Variants in PLCH2 observed in about 807,000 individuals in gnomAD.
The protein encoded by PLCH2 is 1-phosphatidylinositol 4,5-bisphosphate phosphodiesterase eta-2.
A neutral mutation model predicts 134.7 loss-of-function variants in PLCH2; 98 were observed. The ratio of observed to expected loss-of-function variants is 0.73; its 90% CI spans 0.62 to 0.86. The LOEUF (loss-of-function observed/expected upper bound fraction) is 0.86, where lower values mean the gene tolerates loss of function less well. Ranked by LOEUF, PLCH2 falls within the 40% of genes least tolerant of loss-of-function variation. PLCH2 has a pLI of 0.00. For synonymous variants in PLCH2, 974 were observed against 827.5 expected, an observed-to-expected ratio of 1.18 and a Z score of -3.04; for missense variants, 1,994 against 1,986.6, an observed-to-expected ratio of 1.00 and a Z score of -0.07.
rs1643392040 is a variant in PLCH2 at position 2,504,085 on chromosome 1, G to A, written c.3123G>A (p.Val1041=). The change falls in exon 22 of 22, where the codon GTG becomes GTA. Residue 1041 remains valine (V), a synonymous_variant. Coordinates refer to ENST00000378486, the MANE Select transcript of PLCH2 (RefSeq NM_014638.4). ...PPYPTGPGAN[V]ASPLEDTEEP... ...ACCCCACAGGACCCGGAGCCAATGT[G>A]GCAAGCCCCCTAGAGGACACTGAGG... 1 of 1,546,836 alleles carries A rather than the reference G, an allele frequency of 6.5e-7. No individual in the cohort carries two copies. The highest frequency in any genetic ancestry group is 1.2e-5 in the South Asian group (1 of 83,570).
chr1:2,462,815 C>A (rs1349269896), upstream of PLCH2, among the ~76,000 whole-genome samples: 1 of 152,164 alleles, frequency 6.6e-6, no homozygotes, highest in East Asian at 1.9e-4. Context: ...AGCCACTGCC[C>A]AGGACAGGAG....
At chr1:2,458,197 G>C (rs1038929459) in intron 2 of PLCH2, among the ~76,000 whole-genome samples, 59 of 152,332 alleles carry the variant, frequency 3.9e-4, no homozygotes, top group African/African-American at 1.3e-3. Context: ...GGCTGCCTGG[G>C]GCGGGGGGAC....
rs1177382702 is a variant in PLCH2, at chr1:2,427,768, CGAGCCCTCCAGAAGTGG to C, written c.-178+1758_-178+1774del. Among the ~76,000 whole-genome samples, 57 of 152,136 alleles carry C rather than the reference CGAGCCCTCCAGAAGTGG, an allele frequency of 3.7e-4. 1 individual carries two copies. Among genetic ancestry groups the C allele is most frequent in the East Asian group, 1.4e-3 (7 of 5,182 alleles). Reference sequence around the variant, plus strand: ...CAGGTATTGAAACAGAAGCAGCCGGCGAGCCCTCCAGAAGTGGGAGCCCTCCAGAAGTGGGAGCCCTC... The same window carrying C: ...CAGGTATTGAAACAGAAGCAGCCGGCGAGCCCTCCAGAAGTGGGAGCCCTC... On this transcript the variant is annotated intron_variant, in intron 1 of 3. Transcript: ENST00000609981.
intron 2 of PLCH2, among the ~76,000 whole-genome samples, chr1:2,454,665 T>C (rs905977986): frequency 2.0e-5 from 3 of 152,158 alleles, no homozygotes; most frequent in Non-Finnish European, 4.4e-5. Flanking sequence ...GGCCAGGACC[T>C]GAGCCCCAGT....
rs1642533050 is a variant in PLCH2 at position 2,490,821 on chromosome 1, A to G, written c.1516-371A>G. Among the ~76,000 whole-genome samples the G allele has an allele frequency of 1.3e-5, 2 of 152,240 alleles. 1 individual carries two copies. Among genetic ancestry groups the G allele is most frequent in the Admixed American group, 1.3e-4 (2 of 15,290 alleles). On this transcript the variant is annotated intron_variant, in intron 10 of 21. Coordinates refer to ENST00000378486, the MANE Select transcript of PLCH2 (RefSeq NM_014638.4). ...GGGGCACCCGGGGGGCTGCACTGGC[A>G]GGGAAGGGCGTCCAACCCAGCTCAG...
intron 7 of PLCH2, 27 bp downstream of exon 7, chr1:2,487,403 C>T (rs750704335): frequency 4.0e-5 from 64 of 1,592,194 alleles, no homozygotes; most frequent in South Asian, 7.8e-5. Context: ...GGGTGACGGC[C>T]GTGGGCTGGC....
chr1:2,505,157 G>A lies in PLCH2; in HGVS notation c.4195G>A (p.Gly1399Arg), dbSNP rs1381831567. ...TGTGGATGCACCAGCACCCTCCAAG[G>A]GAGCCCTCGGGCCAGCATCCGCGGC... ...GSVDAPAPSK[G>R]ALGPASAAAE... Residue 1399 changes from glycine (G) to arginine (R), a missense_variant, in exon 22 of 22, where the codon GGA becomes AGA. Around this residue, in one of 2 missense-constraint regions of PLCH2, gnomAD observed 900 missense variants for 752.3 expected, o/e 1.20. Transcript: ENST00000378486. 3 of 1,565,804 alleles carry A rather than the reference G, an allele frequency of 1.9e-6. No individual in the cohort carries two copies. The highest frequency in any genetic ancestry group is 2.3e-5 in the South Asian group (2 of 86,240).
intron 10 of PLCH2, 127 bp downstream of exon 10, chr1:2,489,994 C>A: frequency 1.4e-6 from 1 of 717,440 alleles, no homozygotes; most frequent in Middle Eastern, 3.6e-4. Flanking sequence ...GGGGCAGATT[C>A]GCACAGCGGC....
rs1643127622 is a variant in PLCH2 at position 2,499,996 on chromosome 1, C to A, written c.2661+276C>A. ...CGGGCCTTGCCCCGCCCTGTGTCAC[C>A]CATGCCTGTCTCAGACTCTTGGGGG... On this transcript the variant is annotated intron_variant, in intron 20 of 21. Transcript: ENST00000378486. 5.4e-6 allele frequency: 3 copies of A among 560,036 alleles called. No individual in the cohort carries two copies. In the African/African-American group the frequency reaches 5.6e-5, roughly 11 times the overall value. 34.7% of individuals were successfully genotyped at this position (560,036 alleles called of 1,614,324 possible).
Position 2,504,378 on chromosome 1 carries a change from A to G in PLCH2, c.3416A>G (p.His1139Arg), listed in dbSNP as rs200676192. The G allele has an allele frequency of 2.7e-4, 428 of 1,611,836 alleles. No individual in the cohort carries two copies. The highest frequency in any genetic ancestry group is 3.3e-4 in the Non-Finnish European group (395 of 1,179,694). The change falls in exon 22 of 22, where the codon CAC becomes CGC. Residue 1139 changes from histidine to arginine, a missense_variant. By Grantham distance (29) the His-to-Arg change is conservative. Transcript: ENST00000378486. The stretch of plus-strand genomic sequence containing the variant: ...TGGCAGCGGCTGGAGCCATGTGGCC[A>G]CCGAGACAGCGTTTCCTCCTCCTCC... ...PLWQRLEPCG[H>R]RDSVSSSSSM...
chr1:2,502,406 C>G lies in PLCH2; in HGVS notation c.2956C>G (p.Arg986Gly). The change falls in exon 21 of 22, where the codon CGA becomes GGA. Residue 986 changes from arginine to glycine, a missense_variant. By Grantham distance (125) the Arg-to-Gly change is moderately radical. Transcript: ENST00000378486. ...AQEGPGSGSPRDTRPLSTQRP... is the reference protein window; with the variant it reads ...AQEGPGSGSPGDTRPLSTQRP... Reference sequence around the variant, plus strand: ...GGAGGGGCCCGGCAGCGGCAGCCCCCGAGGTAAGGCGCCAGCTGCGGTGGC... The same window carrying G: ...GGAGGGGCCCGGCAGCGGCAGCCCCGGAGGTAAGGCGCCAGCTGCGGTGGC... 6.5e-7 allele frequency: 1 copy of G among 1,543,918 alleles called. No individual in the cohort carries two copies. The highest frequency in any genetic ancestry group is 1.2e-5 in the South Asian group (1 of 83,944).
the PLCH2 span, among the ~76,000 whole-genome samples, chr1:2,416,323 TC>T: frequency 6.6e-6 from 1 of 152,194 alleles, no homozygotes; most frequent in East Asian, 1.9e-4. Context: ...TGTGGCAGTG[TC>T]CCCTCCCTTC....
chr1:2,492,302 CAGGTGGCTCTTGCAGGGCCCGAGCTGAG>C (rs1642630579), intron 11 of PLCH2: 1 of 152,258 alleles, frequency 6.6e-6, no homozygotes, highest in African/African-American at 2.4e-5. Flanking sequence ...ATGCCCTGTG[CAGGTGGCTCTTGCAGGGCCCGAGCTGAG>C]AGGCGTTCCT....
intron 2 of PLCH2, among the ~76,000 whole-genome samples, chr1:2,443,457 G>T (rs12754473): frequency 5.9e-5 from 9 of 152,130 alleles, no homozygotes; most frequent in Admixed American, 2.6e-4. Flanking sequence ...TCTCGGCCCC[G>T]CCCCCTTCCC....
rs1425594757 is a variant in PLCH2, at chr1:2,444,937, G to A, written c.115+14308G>A. ...ATCCTAGAGACTCCTTCAGCGAGGT[G>A]CAGCCTCAGAGGGGATTCAGGCACC... On this transcript the variant is annotated intron_variant, in intron 2 of 3. Coordinates refer to the PLCH2 transcript ENST00000609981. This position sits in a 1 kb window ranked among gnomAD's most constrained non-coding sequence, Gnocchi z 4.6. 1.3e-5 allele frequency among the ~76,000 whole-genome samples: 2 copies of A among 152,144 alleles called. No individual in the cohort carries two copies. Among genetic ancestry groups the A allele is most frequent in the African/African-American group, 4.8e-5 (2 of 41,426 alleles).
chr1:2,494,556 G>A (rs1642769097), intron 11 of PLCH2: 2 of 520,716 alleles, frequency 3.8e-6, no homozygotes, highest in South Asian at 4.2e-5. Context: ...AACTTAACGA[G>A]TTTAAAACAA....
chr1:2,425,079 C>T (rs1214562276), upstream of PLCH2, among the ~76,000 whole-genome samples: 5 of 149,908 alleles, frequency 3.3e-5, no homozygotes, highest in Non-Finnish European at 7.4e-5. Flanking sequence ...AGGAGAATCA[C>T]TTGAACCCAG....
At chr1:2,456,949 C>T (rs1640526677) in intron 2 of PLCH2, among the ~76,000 whole-genome samples, 1 of 152,220 alleles carries the variant, frequency 6.6e-6, no homozygotes, top group Non-Finnish European at 1.5e-5. Flanking sequence ...GCGATCCGCA[C>T]CTCCTCTAGG....
chr1:2,475,246 C>T (rs1239346917), upstream of PLCH2, among the ~76,000 whole-genome samples: 1 of 152,216 alleles, frequency 6.6e-6, no homozygotes, highest in Non-Finnish European at 1.5e-5. Flanking sequence ...GTCCTGGGCT[C>T]TGCAGGCCAA....
Sources: gnomAD v4.1 joint callset for allele counts (sites outside exome capture counted in the v4.1 genomes callset) on GRCh38, gnomAD v4.1.1 for gene constraint, gnomAD v4.1.1 regional missense constraint, Gnocchi (gnomAD v3.1) non-coding constraint, MANE v1.5 for transcripts, NCBI Gene and HGNC (gene_info 2026-07-23, HGNC 2026-07-21) for gene names.